ADD3: variants seen among roughly 807,000 people sequenced by gnomAD.
ADD3 encodes the protein gamma-adducin.
A neutral mutation model predicts 80.2 loss-of-function variants in ADD3; 25 were observed. The observed-to-expected ratio is 0.31, with a 90% CI of 0.23 to 0.44. ADD3 has a LOEUF of 0.44. Ranked by LOEUF, ADD3 falls within the 20% of genes least tolerant of loss-of-function variation. ADD3 has a pLI of 1.00. For synonymous variants in ADD3, 284 were observed against 289.6 expected (o/e 0.98, Z 0.20); for missense variants, 829 against 847.5 (o/e 0.98, Z 0.27).
rs191912107 is a variant in ADD3, at chr10:110,117,097, C to T, written c.487-245C>T. On this transcript the variant is annotated intron_variant, in intron 4 of 14. Coordinates refer to ENST00000356080, the MANE Select transcript of ADD3 (RefSeq NM_016824.5). ...CATGAACATAGCTGACCCTAAATAA[C>T]CTTAGAGCCCCAAAATAACACTTTT... 1.2e-3 allele frequency among the ~76,000 whole-genome samples: 179 copies of T among 152,210 alleles called. 2 individuals are homozygous for T. Among genetic ancestry groups the T allele is most frequent in the African/African-American group, 4.2e-3 (174 of 41,532 alleles).
chr10:110,013,032 C>T lies in ADD3; in HGVS notation c.-30+4733C>T, dbSNP rs376593787. 7.9e-5 allele frequency among the ~76,000 whole-genome samples: 12 copies of T among 152,056 alleles called. No homozygotes were observed. The Middle Eastern group carries it at 0.01, about 129-fold the overall frequency. The stretch of plus-strand genomic sequence containing the variant: ...GGGCCTGAGGAGATTGGTTTGTATA[C>T]GGTACATAAACTGGCATTTAAGATG... On this transcript the variant is annotated intron_variant, in intron 1 of 14. Transcript: ENST00000356080.
At chr10:110,042,313 A>T (rs967252214) in intron 1 of ADD3, among the ~76,000 whole-genome samples, 1 of 152,116 alleles carries the variant, frequency 6.6e-6, no homozygotes, top group Non-Finnish European at 1.5e-5. Context: ...TACTTGGGTG[A>T]GGGGAGGGTG....
At chr10:110,097,542 A>G (rs1848313509) in intron 1 of ADD3, among the ~76,000 whole-genome samples, 2 of 152,192 alleles carry the variant, frequency 1.3e-5, no homozygotes, top group Admixed American at 1.3e-4. Context: ...TCCCTAAATG[A>G]TAATATCTTC....
chr10:110,109,552 A>G (rs1050837422), intron 2 of ADD3, among the ~76,000 whole-genome samples: 1 of 152,236 alleles, frequency 6.6e-6, no homozygotes, highest in Non-Finnish European at 1.5e-5. Flanking sequence ...ATTGTAATAT[A>G]TGTAATGAGT....
chr10:110,098,946 G>A (rs536787291), intron 1 of ADD3, among the ~76,000 whole-genome samples: 7 of 151,892 alleles, frequency 4.6e-5, no homozygotes, highest in African/African-American at 1.4e-4. Context: ...AAACTTTTTT[G>A]CCTCACTCCA....
chr10:110,073,133 G>GTTTTATTTT (rs1443878675), intron 1 of ADD3, among the ~76,000 whole-genome samples: 1 of 106,490 alleles, frequency 9.4e-6, no homozygotes, highest in African/African-American at 4.4e-5. Flanking sequence ...TTGAGTTTTA[G>GTTTTATTTT]TTTTCTTTTT....
At chr10:110,095,356 T>C (rs113952427) in intron 1 of ADD3, among the ~76,000 whole-genome samples, 35 of 152,232 alleles carry the variant, frequency 2.3e-4, no homozygotes, top group African/African-American at 8.4e-4. Context: ...AAAATAAATC[T>C]CATTGGCGGC....
chr10:110,075,389 T>TAGA (rs1845274006), intron 1 of ADD3, among the ~76,000 whole-genome samples: 1 of 152,146 alleles, frequency 6.6e-6, no homozygotes, highest in African/African-American at 2.4e-5. Flanking sequence ...CCAAGAAAAC[T>TAGA]AGATCTGGAT....
At chr10:110,099,877 GTTGT>G (rs762741404) in intron 1 of ADD3, among the ~76,000 whole-genome samples, 7 of 152,184 alleles carry the variant, frequency 4.6e-5, no homozygotes, top group Non-Finnish European at 1.0e-4. Flanking sequence ...TTAAAAGAAT[GTTGT>G]TTAAGACTAT....
chr10:110,111,833 A>G (rs1850056114), intron 2 of ADD3, among the ~76,000 whole-genome samples: 1 of 151,988 alleles, frequency 6.6e-6, no homozygotes, highest in South Asian at 2.1e-4. Flanking sequence ...GAATCGCTTC[A>G]ACCCGGGAGG....
intron 1 of ADD3, among the ~76,000 whole-genome samples, chr10:110,036,690 G>T (rs960743905): frequency 3.3e-5 from 5 of 151,272 alleles, no homozygotes; most frequent in Non-Finnish European, 5.9e-5. Flanking sequence ...TTTTTTAAAT[G>T]ATCACATTTC....
chr10:110,007,909 C>A (rs1291600801), upstream of ADD3: 2 of 83,518 alleles, frequency 2.4e-5, no homozygotes, highest in Non-Finnish European at 4.7e-5. Context: ...CCGGGGGGGG[C>A]GCTTGGGGAC....
chr10:110,044,019 C>G (rs1856650298), intron 1 of ADD3, among the ~76,000 whole-genome samples: 1 of 151,980 alleles, frequency 6.6e-6, no homozygotes, highest in African/African-American at 2.4e-5. Context: ...CCAGTCTGAC[C>G]AATATGGTGA....
intron 5 of ADD3, among the ~76,000 whole-genome samples, chr10:110,118,281 G>A (rs1347997558): frequency 6.6e-6 from 1 of 152,110 alleles, no homozygotes; most frequent in Non-Finnish European, 1.5e-5. Flanking sequence ...TCAGACCTCC[G>A]ATGAAGAGCT....
chr10:110,048,170 C>T (rs1589864832), intron 1 of ADD3, among the ~76,000 whole-genome samples: 2 of 152,256 alleles, frequency 1.3e-5, no homozygotes, highest in Non-Finnish European at 2.9e-5. Flanking sequence ...ATCATTCTCT[C>T]TTGTCTGCCA....
chr10:110,131,812 A>G (rs1239210102), intron 13 of ADD3, among the ~76,000 whole-genome samples: 1 of 152,126 alleles, frequency 6.6e-6, no homozygotes, highest in Non-Finnish European at 1.5e-5. Context: ...TAGAACCGTC[A>G]CCTTTTTTAT....
intron 8 of ADD3, among the ~76,000 whole-genome samples, chr10:110,120,842 G>A (rs181362665): frequency 3.9e-5 from 6 of 152,136 alleles, no homozygotes; most frequent in Admixed American, 1.3e-4. Context: ...CAGAAATAAC[G>A]CCACATACCT....
chr10:110,016,493 A>C (rs1211584830), intron 1 of ADD3: 1 of 152,188 alleles, frequency 6.6e-6, no homozygotes, highest in Non-Finnish European at 1.5e-5. Flanking sequence ...TGGTAAAGAA[A>C]ATTATTTTAA....
intron 1 of ADD3, among the ~76,000 whole-genome samples, chr10:110,083,592 C>G (rs1326360729): frequency 6.6e-6 from 1 of 151,928 alleles, no homozygotes; most frequent in Admixed American, 6.6e-5. Flanking sequence ...TAGGAAGAGT[C>G]ATTTCCCTCT....
Sources: gnomAD v4.1 joint callset for allele counts (sites outside exome capture counted in the v4.1 genomes callset) on GRCh38, gnomAD v4.1.1 for gene constraint, MANE v1.5 for transcripts, NCBI Gene and HGNC (gene_info 2026-07-23, HGNC 2026-07-21) for gene names.